The following CORO2B variants were observed in gnomAD, a reference collection of about 807,000 sequenced individuals.
CORO2B encodes the protein coronin-2B.
Under a neutral mutation model 58.8 loss-of-function variants are expected in CORO2B, and 26 were observed. The ratio of observed to expected loss-of-function variants is 0.44; its 90% CI spans 0.32 to 0.61. CORO2B has a LOEUF of 0.61. Among genes scored for constraint, CORO2B ranks in the 20% least tolerant of loss-of-function variants. CORO2B has a pLI of 0.04. For missense variants in CORO2B, 460 were observed against 645.1 expected (o/e 0.71, Z 3.11); for synonymous variants, 242 against 253.8 (o/e 0.95, Z 0.44).
At chr15:68,596,376 G>T (rs1279896438) in intron 1 of CORO2B, among the ~76,000 whole-genome samples, 2 of 150,680 alleles carry the variant, frequency 1.3e-5, no homozygotes, top group East Asian at 4.0e-4. Context: ...GGTGGGGGTT[G>T]TGAGAAGGGG....
intron 1 of CORO2B, among the ~76,000 whole-genome samples, chr15:68,613,501 C>T (rs1439273478): frequency 1.3e-5 from 2 of 152,116 alleles, no homozygotes; most frequent in Non-Finnish European, 2.9e-5. Flanking sequence ...GTCTTCAGTC[C>T]CCTGGTGGCT....
At chr15:68,531,636 GGAAAGAAA>G in the CORO2B span, among the ~76,000 whole-genome samples, 1 of 140,882 alleles carries the variant, frequency 7.1e-6, no homozygotes, top group Non-Finnish European at 1.5e-5. Flanking sequence ...AAAGAAAGAA[GGAAAGAAA>G]GAAAGAAAGA....
intron 2 of CORO2B, among the ~76,000 whole-genome samples, chr15:68,691,327 CA>C (rs1192260415): frequency 1.0e-4 from 1 of 9,540 alleles, no homozygotes; most frequent in African/African-American, 1.8e-4. Flanking sequence ...GACTCCGTCT[CA>C]AAAAAAAAAA....
intron 1 of CORO2B, among the ~76,000 whole-genome samples, chr15:68,611,094 G>A (rs1342188844): frequency 6.6e-6 from 1 of 152,172 alleles, no homozygotes; most frequent in Non-Finnish European, 1.5e-5. Context: ...CCCCACCACT[G>A]AGCCACTGAG....
intron 2 of CORO2B, among the ~76,000 whole-genome samples, chr15:68,650,356 TAAAAAAAAAAAAA>T (rs532431600): frequency 7.0e-5 from 6 of 86,090 alleles, no homozygotes; most frequent in African/African-American, 2.2e-4. Context: ...AAACTCTGTC[TAAAAAAAAAAAAA>T]AAAAAAAAAA....
chr15:68,583,332 C>T (rs573317421), intron 1 of CORO2B, among the ~76,000 whole-genome samples: 19 of 152,298 alleles, frequency 1.2e-4, no homozygotes, highest in African/African-American at 3.1e-4. Flanking sequence ...GGAACTGAGA[C>T]GCTGGGAGCA....
chr15:68,549,319 A>T, the CORO2B span, among the ~76,000 whole-genome samples: 2 of 152,084 alleles, frequency 1.3e-5, no homozygotes, highest in African/African-American at 2.4e-5. Flanking sequence ...CAATTTTGTC[A>T]GTCCTCCTTC....
chr15:68,618,457 G>C (rs1315748020), intron 1 of CORO2B, among the ~76,000 whole-genome samples: 1 of 152,240 alleles, frequency 6.6e-6, no homozygotes, highest in African/African-American at 2.4e-5. Flanking sequence ...TGTGTGAAAA[G>C]ATTTGAGTAA....
the CORO2B span, among the ~76,000 whole-genome samples, chr15:68,551,527 A>G: frequency 1.3e-5 from 2 of 151,888 alleles, no homozygotes. Context: ...TCTCCTCAAC[A>G]CTTGGGCCCC....
intron 1 of CORO2B, among the ~76,000 whole-genome samples, chr15:68,617,595 C>A (rs1366418005): frequency 9.2e-5 from 14 of 152,172 alleles, no homozygotes; most frequent in Admixed American, 1.3e-4. Flanking sequence ...TCATTCTCAG[C>A]AAACTCAGTG....
At chr15:68,575,895 C>T (rs1325257448), upstream of CORO2B, among the ~76,000 whole-genome samples, 2 of 151,478 alleles carry the variant, frequency 1.3e-5, no homozygotes, top group African/African-American at 4.9e-5. Flanking sequence ...TGGCTCACAC[C>T]TGTAATCCCA....
At chr15:68,559,830 AG>A in the CORO2B span, among the ~76,000 whole-genome samples, 37 of 152,334 alleles carry the variant, frequency 2.4e-4, no homozygotes, top group African/African-American at 8.4e-4. This position sits in a 1 kb window ranked among gnomAD's most constrained non-coding sequence, Gnocchi z 4.3. Context: ...CAGGACCAGC[AG>A]GTCTCCCGCA....
chr15:68,703,717 C>T (rs1250002262), intron 3 of CORO2B, among the ~76,000 whole-genome samples: 2 of 152,140 alleles, frequency 1.3e-5, no homozygotes, highest in Admixed American at 1.3e-4. Context: ...GAGGAGCTAA[C>T]AGCCCTAGCC....
chr15:68,583,840 G>A (rs1449174547), intron 1 of CORO2B, among the ~76,000 whole-genome samples: 1 of 152,180 alleles, frequency 6.6e-6, no homozygotes, highest in Non-Finnish European at 1.5e-5. Flanking sequence ...AGAGGAAGCG[G>A]GGGTACCAGC....
the CORO2B span, among the ~76,000 whole-genome samples, chr15:68,521,588 T>G: frequency 1.3e-5 from 2 of 152,114 alleles, no homozygotes; most frequent in Non-Finnish European, 2.9e-5. Flanking sequence ...AGAAATAACT[T>G]TATTTCGCAT....
the CORO2B span, among the ~76,000 whole-genome samples, chr15:68,565,897 G>C: frequency 1.3e-5 from 2 of 152,350 alleles, no homozygotes; most frequent in South Asian, 4.1e-4. Flanking sequence ...CTGCCATGTG[G>C]TTCCAGGCCC....
chr15:68,524,557 C>A, the CORO2B span, among the ~76,000 whole-genome samples: 15 of 152,204 alleles, frequency 9.9e-5, no homozygotes, highest in East Asian at 5.8e-4. Context: ...CTTCTTTGAA[C>A]CCTGCCTTGA....
At chr15:68,681,351 C>G (rs1902775519) in intron 2 of CORO2B, among the ~76,000 whole-genome samples, 1 of 151,892 alleles carries the variant, frequency 6.6e-6, no homozygotes, top group African/African-American at 2.4e-5. Flanking sequence ...GAGGAGCAGG[C>G]CTTTCTAAAG....
intron 3 of CORO2B, 47 bp downstream of exon 3, chr15:68,695,303 C>T (rs957551221): frequency 1.4e-6 from 2 of 1,421,388 alleles, no homozygotes; most frequent in Non-Finnish European, 2.0e-6. Flanking sequence ...AGGCCCCTCC[C>T]TGCTTCCTTT....
Sources: gnomAD v4.1 joint callset for allele counts (sites outside exome capture counted in the v4.1 genomes callset) on GRCh38, gnomAD v4.1.1 for gene constraint, Gnocchi (gnomAD v3.1) non-coding constraint, MANE v1.5 for transcripts, NCBI Gene and HGNC (gene_info 2026-07-23, HGNC 2026-07-21) for gene names.